ITGA11: variants seen among roughly 807,000 people sequenced by gnomAD.
ITGA11 encodes the protein integrin subunit alpha 11.
In ITGA11, 97 loss-of-function variants were observed where a neutral mutation model predicts 141.9. The observed-to-expected ratio is 0.68, with a 90% CI of 0.58 to 0.81. The LOEUF (loss-of-function observed/expected upper bound fraction) is 0.81, where lower values mean the gene tolerates loss of function less well. ITGA11 is among the 30% of genes least tolerant of loss of function. The pLI, the probability that ITGA11 is intolerant of heterozygous loss-of-function variation, is 0.00. For synonymous variants in ITGA11, 658 were observed against 624.6 expected (o/e 1.05, Z -0.80); for missense variants, 1,387 against 1,559.2 (o/e 0.89, Z 1.86).
chr15:68,376,037 G>A (rs899534580), intron 2 of ITGA11, among the ~76,000 whole-genome samples: 15 of 152,268 alleles, frequency 9.9e-5, no homozygotes, highest in South Asian at 2.1e-4. Flanking sequence ...GGGGCCCAGC[G>A]TCTGTGTTTT....
chr15:68,369,388 G>T, intron 2 of ITGA11, 104 bp from the exon 3 acceptor site: 2 of 362,682 alleles, frequency 5.5e-6, no homozygotes, highest in Non-Finnish European at 5.6e-6. Flanking sequence ...GGTGGGGAGG[G>T]TGGGAGGGAA....
chr15:68,414,695 C>T (rs898405075), intron 1 of ITGA11, among the ~76,000 whole-genome samples: 2 of 152,180 alleles, frequency 1.3e-5, no homozygotes, highest in Admixed American at 6.5e-5. Flanking sequence ...GGGGCACTCC[C>T]GTGGGCAGGC....
intron 2 of ITGA11, among the ~76,000 whole-genome samples, chr15:68,376,902 G>A (rs1469921754): frequency 6.6e-6 from 1 of 152,186 alleles, no homozygotes; most frequent in African/African-American, 2.4e-5. Flanking sequence ...TGTGGGACAT[G>A]ACCCAGGAAT....
chr15:68,365,470 G>A (rs149076676), intron 3 of ITGA11: 158 of 363,888 alleles, frequency 4.3e-4, no homozygotes, highest in African/African-American at 3.2e-3. Context: ...AAATTGCATC[G>A]CTTAAGGTTT....
At chr15:68,380,060 G>A (rs1895820707) in intron 2 of ITGA11, among the ~76,000 whole-genome samples, 1 of 152,306 alleles carries the variant, frequency 6.6e-6, no homozygotes, top group African/African-American at 2.4e-5. Flanking sequence ...AGGTGGTCCA[G>A]CAAGGAAGAT....
rs1893858978 is a variant in ITGA11, at chr15:68,322,961, A to G, written c.2323-1458T>C. 6.6e-6 allele frequency among the ~76,000 whole-genome samples: 1 copy of G among 152,208 alleles called. No individual in the cohort carries two copies. Among genetic ancestry groups the G allele is most frequent in the Non-Finnish European group, 1.5e-5 (1 of 68,034 alleles). ...ACCCAGGGCGAGGACCTCAGCAGGC[A>G]GATGGATATTCAAGCCTGGAGCTGA... is the stretch of plus-strand genomic sequence containing the variant. On this transcript the variant is annotated intron_variant, in intron 18 of 29. Coordinates refer to ENST00000315757, the MANE Select transcript of ITGA11 (RefSeq NM_001004439.2). This position sits in a 1 kb window ranked among gnomAD's most constrained non-coding sequence, Gnocchi z 5.6.
At chr15:68,367,046 C>G (rs1895443556) in intron 3 of ITGA11, among the ~76,000 whole-genome samples, 1 of 152,196 alleles carries the variant, frequency 6.6e-6, no homozygotes, top group African/African-American at 2.4e-5. Context: ...GATGTTCTTT[C>G]TGCCATGCAT....
intron 2 of ITGA11, among the ~76,000 whole-genome samples, chr15:68,397,393 A>AATATATTATATATTATTTATTATATAAT (rs1567156967): frequency 0.13 from 776 of 6,126 alleles, 361 homozygotes; most frequent in African/African-American, 0.46. Flanking sequence ...TTTATTATAT[A>AATATATTATATATTATTTATTATATAAT]ATATATTATA....
At position 68,325,935 on chromosome 15, in the gene ITGA11, C is replaced by T. The variant is rs899068336; in HGVS notation, c.2212-694G>A. On this transcript the variant is annotated intron_variant, in intron 17 of 29. Coordinates refer to ENST00000315757, the MANE Select transcript of ITGA11 (RefSeq NM_001004439.2). The surrounding 1 kb of genome is among the most constrained non-coding windows in gnomAD (Gnocchi z 5.5). ...AAACACAGGGTGCTGGCGCCAGCCC[C>T]AGCCCCAGCCCCAGAGTTTCTGAGT... 5.3e-5 allele frequency among the ~76,000 whole-genome samples: 8 copies of T among 152,214 alleles called. No homozygotes were observed. Among genetic ancestry groups the T allele is most frequent in the Non-Finnish European group, 8.8e-5 (6 of 68,036 alleles).
intron 1 of ITGA11, among the ~76,000 whole-genome samples, chr15:68,414,543 C>G (rs4617801): frequency 0.043 from 6,478 of 152,236 alleles, 377 homozygotes; most frequent in African/African-American, 0.13. Context: ...TCTGTCTCCT[C>G]TTCTAGAAAA....
At position 68,346,829 on chromosome 15, in the gene ITGA11, G is replaced by A. The variant is rs529049963; in HGVS notation, c.1131+2001C>T. Among the ~76,000 whole-genome samples, 29 of 152,206 alleles carry A rather than the reference G, an allele frequency of 1.9e-4. No individual in the cohort carries two copies. In the South Asian group the frequency reaches 2.7e-3, roughly 14 times the overall value. On this transcript the variant is annotated intron_variant, in intron 10 of 29. Transcript: ENST00000315757. Reference sequence around the variant, plus strand: ...CTTCCTTCTATACTACCTTGATCACGTTGCTTTGGTTAACATTAGACATGT... The same window carrying A: ...CTTCCTTCTATACTACCTTGATCACATTGCTTTGGTTAACATTAGACATGT...
intron 1 of ITGA11, among the ~76,000 whole-genome samples, chr15:68,407,114 C>G (rs1209931320): frequency 6.6e-6 from 1 of 152,134 alleles, no homozygotes; most frequent in African/African-American, 2.4e-5. Context: ...TGCCCTAGGT[C>G]CCATTGCCTC....
intron 19 of ITGA11, among the ~76,000 whole-genome samples, chr15:68,320,801 G>A (rs1038491015): frequency 5.3e-5 from 8 of 152,176 alleles, no homozygotes; most frequent in Non-Finnish European, 8.8e-5. Flanking sequence ...AGTTTTGAAT[G>A]TGCTATTTCT....
chr15:68,371,217 T>A (rs1895579190), intron 2 of ITGA11, among the ~76,000 whole-genome samples: 1 of 151,938 alleles, frequency 6.6e-6, no homozygotes, highest in Non-Finnish European at 1.5e-5. Context: ...AGAGAGAAAG[T>A]GAGAGAAAGA....
chr15:68,384,656 C>T (rs548665316), intron 2 of ITGA11, among the ~76,000 whole-genome samples: 7 of 152,342 alleles, frequency 4.6e-5, no homozygotes, highest in East Asian at 1.9e-4. Context: ...CTCTATCTCT[C>T]GTGCACTGGG....
At chr15:68,314,771 ATTCAT>A (rs1014822601) in intron 22 of ITGA11, among the ~76,000 whole-genome samples, 3 of 152,184 alleles carry the variant, frequency 2.0e-5, no homozygotes, top group African/African-American at 7.2e-5. Flanking sequence ...AGGATGCACA[ATTCAT>A]TTAACTGTAG....
At chr15:68,311,443 A>G in intron 24 of ITGA11, 40 bp from the exon 25 acceptor site, 1 of 1,414,404 alleles carries the variant, frequency 7.1e-7, no homozygotes, top group Non-Finnish European at 9.8e-7. Context: ...CAGTCAGTTG[A>G]GGGGGGTGGA....
chr15:68,324,113 C>T lies in ITGA11; in HGVS notation c.2322+1018G>A, dbSNP rs1893894545. On this transcript the variant is annotated intron_variant, in intron 18 of 29. Transcript: ENST00000315757. The surrounding 1 kb of genome is among the most constrained non-coding windows in gnomAD (Gnocchi z 6.3). ...CTAACGATGAATCCAGCTTTGCCAGCCCAGGAGCTCAGACTTAGGAGAAAG... is the reference window on the plus strand; with the variant it reads ...CTAACGATGAATCCAGCTTTGCCAGTCCAGGAGCTCAGACTTAGGAGAAAG... Among the ~76,000 whole-genome samples, 1 of 151,974 alleles carries T rather than the reference C, an allele frequency of 6.6e-6. No homozygotes were observed.
chr15:68,403,800 G>A (rs928053358), intron 1 of ITGA11, among the ~76,000 whole-genome samples: 11 of 151,976 alleles, frequency 7.2e-5, no homozygotes, highest in African/African-American at 2.2e-4. Flanking sequence ...GTGCCTGGTC[G>A]ATTTTTATTT....
Sources: allele counts gnomAD v4.1 joint callset (sites outside exome capture counted in the v4.1 genomes callset), GRCh38; gene constraint gnomAD v4.1.1; non-coding constraint Gnocchi (gnomAD v3.1); transcripts MANE v1.5; gene names NCBI Gene and HGNC (gene_info 2026-07-23, HGNC 2026-07-21).